KIAA1217: variants seen among roughly 807,000 people sequenced by gnomAD.
KIAA1217 encodes sickle tail protein homolog.
KIAA1217 carries 88 observed loss-of-function variants against 163.9 expected under a neutral mutation model. That is an observed-to-expected ratio of 0.54 (90% CI 0.45 to 0.64). The LOEUF (loss-of-function observed/expected upper bound fraction) is 0.64, where lower values mean the gene tolerates loss of function less well. KIAA1217 is among the 30% of genes least tolerant of loss of function. The pLI is 0.00. For missense variants in KIAA1217, 2,372 were observed against 2,475.0 expected, an observed-to-expected ratio of 0.96 and a Z score of 0.88; for synonymous variants, 903 against 923.1, an observed-to-expected ratio of 0.98 and a Z score of 0.39.
At chr10:23,806,157 ATG>A (rs988574301) in intron 1 of KIAA1217, among the ~76,000 whole-genome samples, 44 of 152,138 alleles carry the variant, frequency 2.9e-4, no homozygotes, top group African/African-American at 1.0e-3. Context: ...ATATTGAGGG[ATG>A]TGTGTGTGTA....
At chr10:24,013,279 A>G (rs939630566) in intron 2 of KIAA1217, among the ~76,000 whole-genome samples, 1 of 152,090 alleles carries the variant, frequency 6.6e-6, no homozygotes, top group African/African-American at 2.4e-5. Context: ...TCGTTTGGGC[A>G]TGAGTTATAG....
intron 1 of KIAA1217, among the ~76,000 whole-genome samples, chr10:23,855,917 T>C (rs1474172572): frequency 1.3e-5 from 2 of 152,158 alleles, no homozygotes; most frequent in East Asian, 3.9e-4. Context: ...TTTGTCTAAA[T>C]TTTTTTCAAA....
intron 14 of KIAA1217, among the ~76,000 whole-genome samples, chr10:24,529,159 C>A (rs932902493): frequency 9.2e-5 from 14 of 152,060 alleles, no homozygotes; most frequent in African/African-American, 2.9e-4. Context: ...AAAGTGTATT[C>A]CATTTATAAC....
Position 23,986,688 on chromosome 10 carries a change from T to G in KIAA1217, c.-320-20537T>G, listed in dbSNP as rs182476190. On this transcript the variant is annotated intron_variant, in intron 1 of 18. Coordinates refer to the KIAA1217 transcript ENST00000376462. ...GTCATGTCGCAAATGTGGCTTCCTG[T>G]GCTAATCCCTTTCTTTCTGCAACAA... Among the ~76,000 whole-genome samples, 507 of 152,338 alleles carry G rather than the reference T, an allele frequency of 3.3e-3. 1 individual carries two copies. The highest frequency in any genetic ancestry group is 5.6e-3 in the Non-Finnish European group (383 of 68,034).
chr10:24,165,710 C>T (rs545221368), intron 2 of KIAA1217, among the ~76,000 whole-genome samples: 46 of 152,268 alleles, frequency 3.0e-4, no homozygotes, highest in Admixed American at 1.4e-3. Context: ...CATTAAGGAA[C>T]AGGAAAATGG....
intron 1 of KIAA1217, among the ~76,000 whole-genome samples, chr10:23,993,022 T>C (rs959899407): frequency 2.7e-5 from 4 of 147,530 alleles, no homozygotes; most frequent in Non-Finnish European, 5.9e-5. Context: ...GGTACTCTGA[T>C]AGCTTCCTTT....
At position 24,543,897 on chromosome 10, in the gene KIAA1217, C is replaced by G. The variant is rs1305356148; in HGVS notation, c.4627C>G (p.Leu1543Val). The G allele has an allele frequency of 3.7e-6, 6 of 1,613,926 alleles. No homozygotes were observed. In the East Asian group the frequency reaches 1.1e-4, roughly 30 times the overall value. The stretch of plus-strand genomic sequence containing the variant: ...AGGACAGGAAATGAACAGAACGGAG[C>G]TGAACAAGTTCAGCCACGTGGATTC... Reference protein sequence around the residue: ...PGGQEMNRTELNKFSHVDSPN... With the variant: ...PGGQEMNRTEVNKFSHVDSPN... The change falls in exon 19 of 21, where the codon CTG (leucine) becomes GTG (valine). Residue 1543 changes from leucine to valine, a missense_variant. This residue lies in a region of KIAA1217 where 690 missense variants were observed against 677.5 expected (regional missense o/e 1.02). Coordinates refer to ENST00000376454, the MANE Select transcript of KIAA1217 (RefSeq NM_019590.5).
At chr10:24,140,945 T>A (rs1223087933) in intron 2 of KIAA1217, among the ~76,000 whole-genome samples, 1 of 152,192 alleles carries the variant, frequency 6.6e-6, no homozygotes, top group African/African-American at 2.4e-5. Context: ...AGTCCTGTTC[T>A]GGATAAGAGT....
intron 1 of KIAA1217, among the ~76,000 whole-genome samples, chr10:23,786,420 A>C (rs1217391848): frequency 6.6e-6 from 1 of 152,038 alleles, no homozygotes; most frequent in East Asian, 1.9e-4. Flanking sequence ...CTCTATGACA[A>C]CAAATTCTGA....
chr10:23,911,173 C>T (rs1012202076), intron 1 of KIAA1217, among the ~76,000 whole-genome samples: 4 of 152,144 alleles, frequency 2.6e-5, no homozygotes, highest in African/African-American at 7.2e-5. Context: ...GGCCCCAGAC[C>T]ATGTCTCTGC....
At chr10:24,263,567 C>T (rs1385047914) in intron 2 of KIAA1217, among the ~76,000 whole-genome samples, 2 of 152,202 alleles carry the variant, frequency 1.3e-5, no homozygotes, top group Non-Finnish European at 2.9e-5. Context: ...TTTAACCTCT[C>T]AATGCCTTGT....
At chr10:24,264,354 A>G (rs980134538) in intron 2 of KIAA1217, among the ~76,000 whole-genome samples, 1 of 152,204 alleles carries the variant, frequency 6.6e-6, no homozygotes, top group Non-Finnish European at 1.5e-5. Flanking sequence ...TTTAAAAAAG[A>G]GCTGCCAGGG....
chr10:23,819,191 G>T (rs561059074), intron 1 of KIAA1217, among the ~76,000 whole-genome samples: 2 of 152,152 alleles, frequency 1.3e-5, no homozygotes. Flanking sequence ...CTCTATTTTA[G>T]CAGGGAACAT....
chr10:23,711,727 G>C (rs1837269877), intron 1 of KIAA1217, among the ~76,000 whole-genome samples: 2 of 152,260 alleles, frequency 1.3e-5, no homozygotes, highest in South Asian at 4.1e-4. Context: ...GGAAAGCATG[G>C]TCCAGTTCAT....
intron 1 of KIAA1217, among the ~76,000 whole-genome samples, chr10:24,214,921 C>T (rs1589963004): frequency 5.3e-5 from 8 of 152,310 alleles, no homozygotes; most frequent in Middle Eastern, 3.4e-3. Context: ...TCCCTTGCTG[C>T]AGGTCAGCTG....
chr10:24,021,467 G>A (rs1390908450), intron 2 of KIAA1217, among the ~76,000 whole-genome samples: 1 of 151,864 alleles, frequency 6.6e-6, no homozygotes, highest in Admixed American at 6.6e-5. Context: ...TAAATGAAGA[G>A]AGATACATAT....
chr10:24,299,639 ATCT>A (rs1242583940), intron 2 of KIAA1217, among the ~76,000 whole-genome samples: 16 of 152,110 alleles, frequency 1.1e-4, no homozygotes, highest in African/African-American at 3.6e-4. Context: ...AGTTAATGTG[ATCT>A]TCTCACCTTG....
At chr10:23,789,963 A>G (rs1465444141) in intron 1 of KIAA1217, among the ~76,000 whole-genome samples, 1 of 128,812 alleles carries the variant, frequency 7.8e-6, no homozygotes, top group Non-Finnish European at 1.6e-5. Context: ...ATATATACAC[A>G]TATACATATA....
At chr10:23,818,060 C>CAT (rs753088348) in intron 1 of KIAA1217, among the ~76,000 whole-genome samples, 2 of 83,902 alleles carry the variant, frequency 2.4e-5, no homozygotes, top group Non-Finnish European at 4.5e-5. Flanking sequence ...CATATATATA[C>CAT]ATATATATAT....
Sources: allele counts gnomAD v4.1 joint callset (sites outside exome capture counted in the v4.1 genomes callset), GRCh38; gene constraint gnomAD v4.1.1; regional missense constraint gnomAD v4.1.1; transcripts MANE v1.5; gene names NCBI Gene and HGNC (gene_info 2026-07-23, HGNC 2026-07-21).